Variants in SGPP2 observed in about 807,000 individuals in gnomAD.
The protein encoded by SGPP2 is sphingosine-1-phosphate phosphatase 2.
In SGPP2, 30 loss-of-function variants were observed where a neutral mutation model predicts 33.9. That is an observed-to-expected ratio of 0.89 (90% CI 0.66 to 1.20). SGPP2 has a LOEUF of 1.20. Among genes scored for constraint, SGPP2 ranks in the 50% most tolerant of loss-of-function variants. The pLI is 0.00. For synonymous variants in SGPP2, 233 were observed against 225.0 expected (o/e 1.04, Z -0.32); for missense variants, 458 against 532.1 (o/e 0.86, Z 1.37).
At position 222,495,449 on chromosome 2, in the gene SGPP2, C is replaced by T. The variant is rs184519174; in HGVS notation, c.378+20723C>T. On this transcript the variant is annotated intron_variant, in intron 2 of 4. Transcript: ENST00000321276. ...AAATTAAAAAAAAATCTATCTGCAC[C>T]GAAGTCCTTTTATATTCAAATTTTC... is the stretch of plus-strand genomic sequence containing the variant. Among the ~76,000 whole-genome samples, 14 of 152,104 alleles carry T rather than the reference C, an allele frequency of 9.2e-5. 1 individual carries two copies. The East Asian group carries it at 1.9e-3, about 21-fold the overall frequency.
intron 2 of SGPP2, among the ~76,000 whole-genome samples, chr2:222,514,995 A>G (rs932926212): frequency 6.6e-6 from 1 of 151,020 alleles, no homozygotes; most frequent in African/African-American, 2.4e-5. Context: ...TTGTACATTC[A>G]TCAACCCATT....
At chr2:222,490,881 T>C (rs1698187232) in intron 2 of SGPP2, among the ~76,000 whole-genome samples, 1 of 152,200 alleles carries the variant, frequency 6.6e-6, no homozygotes, top group South Asian at 2.1e-4. Context: ...AGGTTTCCAC[T>C]TGCAGTTTTT....
chr2:222,500,892 T>C lies in SGPP2; in HGVS notation c.379-20875T>C, dbSNP rs1182637668. ...CCATGAAATGGTGCTTCCCCCTACGTGTGTGCAGTTGTTCTAGCGTGAGGA... is the reference window on the plus strand; with the variant it reads ...CCATGAAATGGTGCTTCCCCCTACGCGTGTGCAGTTGTTCTAGCGTGAGGA... On this transcript the variant is annotated intron_variant, in intron 2 of 4. Transcript: ENST00000321276. Among the ~76,000 whole-genome samples, 5 of 152,216 alleles carry C rather than the reference T, an allele frequency of 3.3e-5. No individual in the cohort carries two copies. The East Asian group carries it at 9.6e-4, about 29-fold the overall frequency.
At position 222,550,023 on chromosome 2, in the gene SGPP2, C is replaced by T. The variant is rs568281783; in HGVS notation, c.649-8324C>T. The stretch of plus-strand genomic sequence containing the variant: ...TCCTGAGTAGCTGGAACTACAGGCA[C>T]GCGCCACCACGTCTGGTTAATTTTT... On this transcript the variant is annotated intron_variant, in intron 4 of 4. Transcript: ENST00000321276. This position sits in a 1 kb window ranked among gnomAD's most constrained non-coding sequence, Gnocchi z 4.5. Among the ~76,000 whole-genome samples, 22 of 151,990 alleles carry T rather than the reference C, an allele frequency of 1.4e-4. No individual in the cohort carries two copies. Among genetic ancestry groups the T allele is most frequent in the African/African-American group, 4.3e-4 (18 of 41,480 alleles).
chr2:222,505,765 C>A (rs569781984), intron 2 of SGPP2, among the ~76,000 whole-genome samples: 6 of 151,842 alleles, frequency 4.0e-5, no homozygotes, highest in African/African-American at 1.4e-4. Context: ...AAAACCCCAT[C>A]TCTACAAAAA....
chr2:222,505,369 T>C (rs970047152), intron 2 of SGPP2, among the ~76,000 whole-genome samples: 3 of 152,212 alleles, frequency 2.0e-5, no homozygotes, highest in Non-Finnish European at 4.4e-5. Context: ...TTTAAATATG[T>C]ACATCTTGGA....
intron 2 of SGPP2, among the ~76,000 whole-genome samples, chr2:222,505,149 C>G (rs1166751497): frequency 6.6e-6 from 1 of 152,188 alleles, no homozygotes; most frequent in Non-Finnish European, 1.5e-5. Context: ...ATATTTACTG[C>G]TTGCTTACAG....
chr2:222,510,505 C>T (rs1433061375), intron 2 of SGPP2, among the ~76,000 whole-genome samples: 1 of 152,146 alleles, frequency 6.6e-6, no homozygotes, highest in Non-Finnish European at 1.5e-5. Context: ...CCCCATGAGA[C>T]ATGAGGAATA....
At position 222,559,155 on chromosome 2, in the gene SGPP2, CACCG is replaced by C. The variant is rs1459677967; in HGVS notation, c.*258_*261del. The C allele has an allele frequency of 9.3e-6, 1 of 108,002 alleles. No individual in the cohort carries two copies. 6.7% of individuals were successfully genotyped at this position (108,002 alleles called of 1,614,324 possible). ...CATAATCCGGATCTTTAAAGGCACA[CACCG>C]CGCCCCCCCCCCCCCCGCCCGGCCC... On this transcript the variant is annotated 3_prime_UTR_variant, in exon 5 of 5. Transcript: ENST00000321276.
intron 2 of SGPP2, among the ~76,000 whole-genome samples, chr2:222,497,491 C>T (rs1481980243): frequency 6.6e-6 from 1 of 152,212 alleles, no homozygotes; most frequent in East Asian, 1.9e-4. Context: ...AAGTGATCCA[C>T]CTGCCTTGGC....
intron 1 of SGPP2, among the ~76,000 whole-genome samples, chr2:222,469,961 G>A (rs561985110): frequency 2.2e-4 from 33 of 152,316 alleles, no homozygotes; most frequent in African/African-American, 7.5e-4. Flanking sequence ...CATGTCCTTT[G>A]CAGGGACATG....
chr2:222,526,765 A>C (rs1403480716), intron 4 of SGPP2, among the ~76,000 whole-genome samples: 1 of 152,236 alleles, frequency 6.6e-6, no homozygotes, highest in East Asian at 1.9e-4. Context: ...ACACGGGAAC[A>C]GAAAACCTAA....
rs969268585 is a variant in SGPP2 at position 222,561,895 on chromosome 2, C to T, written c.*2997C>T. ...TGCTAGCCCTCTTCCATTCATTTCT[C>T]ACACAGCACTTTGCTCTGTTAAATC... On this transcript the variant is annotated 3_prime_UTR_variant, in exon 5 of 5. Transcript: ENST00000321276. 1.3e-5 allele frequency among the ~76,000 whole-genome samples: 2 copies of T among 149,932 alleles called. No individual in the cohort carries two copies. The highest frequency in any genetic ancestry group is 4.9e-5 in the African/African-American group (2 of 40,980).
At chr2:222,519,326 T>C (rs1698649880) in intron 2 of SGPP2, among the ~76,000 whole-genome samples, 1 of 152,266 alleles carries the variant, frequency 6.6e-6, no homozygotes, top group Admixed American at 6.5e-5. Context: ...TTAAAGCAGC[T>C]CCTGGGTGAG....
chr2:222,448,474 AT>A (rs1697429477), intron 1 of SGPP2, among the ~76,000 whole-genome samples: 1 of 152,210 alleles, frequency 6.6e-6, no homozygotes, highest in African/African-American at 2.4e-5. Flanking sequence ...GTGCATAAAC[AT>A]GGGCAAGTTA....
intron 2 of SGPP2, among the ~76,000 whole-genome samples, chr2:222,480,715 G>C (rs938493608): frequency 6.6e-6 from 1 of 152,214 alleles, no homozygotes; most frequent in Non-Finnish European, 1.5e-5. Flanking sequence ...CTTATCATCT[G>C]TGTGAGAGTA....
In SGPP2 at chr2:222,476,342, T is replaced by G. The variant is rs945301769; in HGVS notation, c.378+1616T>G. The stretch of plus-strand genomic sequence containing the variant: ...GCAAGGGCGGGGTATCCACACAAAT[T>G]CTTCACCAGGTGGTGACAGAGGGAC... On this transcript the variant is annotated intron_variant, in intron 2 of 4. Coordinates refer to ENST00000321276, the MANE Select transcript of SGPP2 (RefSeq NM_152386.4). This position sits in a 1 kb window ranked among gnomAD's most constrained non-coding sequence, Gnocchi z 4.3. 9.9e-5 allele frequency among the ~76,000 whole-genome samples: 15 copies of G among 152,002 alleles called. No homozygotes were observed. Among genetic ancestry groups the G allele is most frequent in the African/African-American group, 3.6e-4 (15 of 41,356 alleles).
intron 1 of SGPP2, among the ~76,000 whole-genome samples, chr2:222,437,588 A>G (rs1352617779): frequency 6.6e-6 from 1 of 152,162 alleles, no homozygotes; most frequent in Non-Finnish European, 1.5e-5. Context: ...CCATTTCCTC[A>G]TGTAACTTAC....
In SGPP2 at chr2:222,432,116, C is replaced by T. The variant is rs370157289; in HGVS notation, c.219+7295C>T. Among the ~76,000 whole-genome samples, 25 of 152,256 alleles carry T rather than the reference C, an allele frequency of 1.6e-4. 2 individuals are homozygous for T. In the South Asian group the frequency reaches 4.4e-3, roughly 27 times the overall value. On this transcript the variant is annotated intron_variant, in intron 1 of 4. Coordinates refer to ENST00000321276, the MANE Select transcript of SGPP2 (RefSeq NM_152386.4). ...GTCAATTTCATCCCGTGTGCCAAAT[C>T]GGAATTGGCAACTGAGAGCACTGTG...
Sources: gnomAD v4.1 joint callset for allele counts (sites outside exome capture counted in the v4.1 genomes callset) on GRCh38, gnomAD v4.1.1 for gene constraint, Gnocchi (gnomAD v3.1) non-coding constraint, MANE v1.5 for transcripts, NCBI Gene and HGNC (gene_info 2026-07-23, HGNC 2026-07-21) for gene names.